The following LOC400499 variants were observed in gnomAD, a reference collection of about 807,000 sequenced individuals.
the LOC400499 span, among the ~76,000 whole-genome samples, chr16:11,407,004 CT>C: frequency 6.6e-6 from 1 of 152,254 alleles, no homozygotes; most frequent in Admixed American, 6.5e-5. Context: ...GAAATAGTGC[CT>C]GGCACCTAGT....
At chr16:11,395,457 G>A in the LOC400499 span, among the ~76,000 whole-genome samples, 1 of 152,186 alleles carries the variant, frequency 6.6e-6, no homozygotes, top group African/African-American at 2.4e-5. Flanking sequence ...CAGAGCCGGG[G>A]GCAGGCAGGG....
chr16:11,457,732 T>G, the LOC400499 span, among the ~76,000 whole-genome samples: 1 of 152,110 alleles, frequency 6.6e-6, no homozygotes, highest in Non-Finnish European at 1.5e-5. Flanking sequence ...CATAACAGCA[T>G]TTATTCACAA....
the LOC400499 span, chr16:11,390,380 C>A: frequency 8.1e-7 from 1 of 1,238,098 alleles, no homozygotes; most frequent in Non-Finnish European, 1.0e-6. Flanking sequence ...CGCCGCATGG[C>A]CTCCTCTGCT....
At chr16:11,474,955 C>A in the LOC400499 span, among the ~76,000 whole-genome samples, 1,146 of 152,280 alleles carry the variant, frequency 7.5e-3, 22 homozygotes, top group African/African-American at 0.027. Context: ...AAGAAGCTGC[C>A]TTCTCTTGTT....
At chr16:11,435,057 G>A in the LOC400499 span, among the ~76,000 whole-genome samples, 2 of 152,192 alleles carry the variant, frequency 1.3e-5, no homozygotes, top group Non-Finnish European at 2.9e-5. Context: ...ACAGCTCGCT[G>A]CAGCCTCCAA....
At chr16:11,478,632 C>A in the LOC400499 span, 9 of 399,130 alleles carry the variant, frequency 2.3e-5, no homozygotes, top group East Asian at 3.2e-4. Context: ...GCCCCAGCAA[C>A]TTCACGCTCA....
At chr16:11,494,547 C>T in the LOC400499 span, 1,390 of 398,960 alleles carry the variant, frequency 3.5e-3, 7 homozygotes, top group Middle Eastern at 0.016. Context: ...GCACTGAAGC[C>T]GGTACTCAGG....
chr16:11,465,589 A>G, the LOC400499 span: 1 of 147,278 alleles, frequency 6.8e-6, no homozygotes, highest in Non-Finnish European at 1.5e-5. Context: ...CAACATAGTA[A>G]GACCTCGTCT....
At chr16:11,498,765 A>G in the LOC400499 span, among the ~76,000 whole-genome samples, 2 of 151,712 alleles carry the variant, frequency 1.3e-5, no homozygotes, top group African/African-American at 2.4e-5. Flanking sequence ...TCTGGGCTCC[A>G]CAAGCCGATC....
At chr16:11,431,573 T>C in the LOC400499 span, among the ~76,000 whole-genome samples, 1 of 152,018 alleles carries the variant, frequency 6.6e-6, no homozygotes, top group Non-Finnish European at 1.5e-5. Flanking sequence ...AGCTGGCTAG[T>C]TTTTGTACTT....
the LOC400499 span, among the ~76,000 whole-genome samples, chr16:11,502,940 GA>G: frequency 1.8e-4 from 4 of 22,376 alleles, no homozygotes; most frequent in East Asian, 2.1e-3. Flanking sequence ...TTTTTTTTAA[GA>G]GACAGGATCT....
At chr16:11,525,877 G>A in the LOC400499 span, among the ~76,000 whole-genome samples, 1 of 152,148 alleles carries the variant, frequency 6.6e-6, no homozygotes, top group African/African-American at 2.4e-5. Flanking sequence ...ATTAACCAAG[G>A]ATGGGAAAAC....
chr16:11,405,675 C>T, the LOC400499 span, among the ~76,000 whole-genome samples: 1 of 152,186 alleles, frequency 6.6e-6, no homozygotes, highest in African/African-American at 2.4e-5. Context: ...ATCACTACTG[C>T]CCCCAGCTTG....
the LOC400499 span, among the ~76,000 whole-genome samples, chr16:11,427,345 T>C: frequency 1.2e-5 from 1 of 80,868 alleles, no homozygotes; most frequent in Non-Finnish European, 2.1e-5. Context: ...CGAAACTCCA[T>C]CTCACAAAAA....
chr16:11,459,745 G>T, the LOC400499 span: 1 of 705,998 alleles, frequency 1.4e-6, no homozygotes, highest in Non-Finnish European at 2.0e-6. Flanking sequence ...GGGTCATGGG[G>T]CTGGAGATGC....
the LOC400499 span, among the ~76,000 whole-genome samples, chr16:11,429,452 C>T: frequency 6.6e-6 from 1 of 152,128 alleles, no homozygotes; most frequent in Non-Finnish European, 1.5e-5. Flanking sequence ...AGGGAGTTAG[C>T]AGGGAAAGCA....
the LOC400499 span, among the ~76,000 whole-genome samples, chr16:11,509,876 A>G: frequency 6.6e-6 from 1 of 151,908 alleles, no homozygotes; most frequent in African/African-American, 2.4e-5. Context: ...CCAAACAGAC[A>G]CAGTTGCCTA....
chr16:11,516,051 C>G, the LOC400499 span: 2 of 399,278 alleles, frequency 5.0e-6, no homozygotes, highest in African/African-American at 4.1e-5. Context: ...GGACATCGGC[C>G]CAGGATGTCC....
At chr16:11,383,072 T>C in the LOC400499 span, among the ~76,000 whole-genome samples, 1 of 73,790 alleles carries the variant, frequency 1.4e-5, no homozygotes, top group South Asian at 2.8e-4. Flanking sequence ...TGCCAGGGTC[T>C]TTTTTTTTTT....
Sources: gnomAD v4.1 joint callset for allele counts (sites outside exome capture counted in the v4.1 genomes callset) on GRCh38, gnomAD v4.1.1 for gene constraint, MANE v1.5 for transcripts.